PATJ: variants seen among roughly 807,000 people sequenced by gnomAD.
The protein encoded by PATJ is inaD-like protein.
In PATJ, 190 loss-of-function variants were observed where a neutral mutation model predicts 224.9. The observed-to-expected ratio is 0.84, with a 90% CI of 0.75 to 0.95. The LOEUF is 0.95. Ranked by LOEUF, PATJ falls within the 40% of genes least tolerant of loss-of-function variation. PATJ has a pLI of 0.00. For synonymous variants in PATJ, 769 were observed against 820.3 expected (o/e 0.94, Z 1.07); for missense variants, 2,121 against 2,270.3 (o/e 0.93, Z 1.34).
At position 62,003,560 on chromosome 1, in the gene PATJ, C is replaced by T. The variant is rs540386770; in HGVS notation, c.3867+13196C>T. Among the ~76,000 whole-genome samples, 4 of 152,312 alleles carry T rather than the reference C, an allele frequency of 2.6e-5. No homozygotes were observed. The South Asian group carries it at 6.2e-4, about 24-fold the overall frequency. On this transcript the variant is annotated intron_variant, in intron 28 of 43. Coordinates refer to ENST00000642238, the MANE Select transcript of PATJ (RefSeq NM_001350145.3). ...TGTGGAAGATCTTACTTCAGCACTG[C>T]GATTTCCATTAAACTGAGTCCTTGA...
At chr1:61,886,704 C>T (rs1481369439) in intron 22 of PATJ, among the ~76,000 whole-genome samples, 1 of 151,622 alleles carries the variant, frequency 6.6e-6, no homozygotes, top group Non-Finnish European at 1.5e-5. Flanking sequence ...CCTGTAACCC[C>T]AGCTACTCTG....
intron 27 of PATJ, among the ~76,000 whole-genome samples, chr1:61,948,695 C>G (rs1396686383): frequency 6.6e-6 from 1 of 152,110 alleles, no homozygotes; most frequent in African/African-American, 2.4e-5. Context: ...ACCATTTGAC[C>G]CAGCCATCCC....
intron 27 of PATJ, among the ~76,000 whole-genome samples, chr1:61,985,514 A>G (rs1644705499): frequency 6.6e-6 from 1 of 152,114 alleles, no homozygotes; most frequent in Non-Finnish European, 1.5e-5. Context: ...AAATACATTC[A>G]CATTGTACAA....
chr1:62,141,869 C>T (rs1404259541), intron 41 of PATJ, among the ~76,000 whole-genome samples: 1 of 151,766 alleles, frequency 6.6e-6, no homozygotes, highest in African/African-American at 2.4e-5. Flanking sequence ...ACTTGGGAGG[C>T]GGAGGCAAGA....
chr1:61,875,970 C>T (rs1278039178), intron 21 of PATJ, among the ~76,000 whole-genome samples: 2 of 152,086 alleles, frequency 1.3e-5, no homozygotes, highest in African/African-American at 2.4e-5. Flanking sequence ...ATAAAATTGA[C>T]ATCCCTAGGG....
chr1:61,814,548 G>GTGTGCGCGCGCGCA (rs386353992), intron 14 of PATJ, among the ~76,000 whole-genome samples: 2 of 53,830 alleles, frequency 3.7e-5, no homozygotes, highest in African/African-American at 1.8e-4. Flanking sequence ...GTGTGTGTGT[G>GTGTGCGCGCGCGCA]CGCGCGCGCG....
chr1:62,087,054 G>T (rs1376706834), intron 33 of PATJ, among the ~76,000 whole-genome samples: 16 of 152,212 alleles, frequency 1.1e-4, no homozygotes, highest in Admixed American at 9.8e-4. Flanking sequence ...AAGGGCCAGT[G>T]TGACAGCCTT....
chr1:61,775,122 T>C, intron 6 of PATJ, 84 bp from the exon 7 acceptor site: 4 of 1,356,568 alleles, frequency 2.9e-6, no homozygotes, highest in Non-Finnish European at 4.0e-6. Flanking sequence ...TGCAAATCTG[T>C]TACTTTGGTA....
chr1:62,138,242 A>G (rs1030647697), intron 41 of PATJ, among the ~76,000 whole-genome samples: 11 of 152,226 alleles, frequency 7.2e-5, no homozygotes, highest in African/African-American at 2.4e-4. Flanking sequence ...AGATCTAGTT[A>G]CCTGCCCTTA....
chr1:61,796,395 A>G (rs2148544348), intron 10 of PATJ, among the ~76,000 whole-genome samples: 1 of 152,358 alleles, frequency 6.6e-6, no homozygotes, highest in Non-Finnish European at 1.5e-5. Flanking sequence ...TCATGTGGTG[A>G]TATGAATAGA....
chr1:61,869,314 G>A (rs1486102822), intron 20 of PATJ, among the ~76,000 whole-genome samples: 1 of 151,836 alleles, frequency 6.6e-6, no homozygotes, highest in Non-Finnish European at 1.5e-5. Flanking sequence ...CACCGTTTTA[G>A]CCGGGATGGT....
intron 6 of PATJ, among the ~76,000 whole-genome samples, chr1:61,773,901 A>C (rs1197933229): frequency 6.6e-6 from 1 of 151,918 alleles, no homozygotes; most frequent in Admixed American, 6.6e-5. Context: ...CAGGCGGATC[A>C]TGAGGTCAGG....
At chr1:61,747,176 A>G (rs1204484979) in intron 1 of PATJ, among the ~76,000 whole-genome samples, 4 of 151,462 alleles carry the variant, frequency 2.6e-5, no homozygotes, top group Non-Finnish European at 5.9e-5. Context: ...TGGTATTTGC[A>G]TGACCATTGC....
intron 27 of PATJ, among the ~76,000 whole-genome samples, chr1:61,951,268 G>GT (rs1025500135): frequency 7.3e-5 from 11 of 151,340 alleles, no homozygotes; most frequent in East Asian, 3.9e-4. Context: ...GCTTTTTATT[G>GT]TTTTTTTTAT....
chr1:61,760,619 C>CTTTTTTTTTTTTT (rs200693394), intron 1 of PATJ, among the ~76,000 whole-genome samples: 2 of 135,482 alleles, frequency 1.5e-5, no homozygotes, highest in African/African-American at 5.5e-5. Flanking sequence ...TTTTCTTTTT[C>CTTTTTTTTTTTTT]TTTTTTTTTT....
At position 62,144,375 on chromosome 1, in the gene PATJ, C is replaced by G. The variant is rs571899772; in HGVS notation, c.5272-3909C>G. On this transcript the variant is annotated intron_variant, in intron 41 of 43. Transcript: ENST00000642238. Reference sequence around the variant, plus strand: ...GGGCAGGCCTATTTTCTTTCTTTTTCTGCTCTACTTAACAGATGAAGCTTA... The same window carrying G: ...GGGCAGGCCTATTTTCTTTCTTTTTGTGCTCTACTTAACAGATGAAGCTTA... Among the ~76,000 whole-genome samples the G allele has an allele frequency of 5.3e-5, 8 of 152,288 alleles. No homozygotes were observed. The South Asian group carries it at 1.7e-3, about 32-fold the overall frequency.
chr1:61,787,241 C>T (rs1234519514), intron 7 of PATJ, among the ~76,000 whole-genome samples: 1 of 152,198 alleles, frequency 6.6e-6, no homozygotes, highest in African/African-American at 2.4e-5. Flanking sequence ...TCTTCCCAAT[C>T]ATGAAAAGAA....
chr1:62,031,407 T>G (rs996364860), intron 29 of PATJ, among the ~76,000 whole-genome samples: 1 of 152,200 alleles, frequency 6.6e-6, no homozygotes, highest in African/African-American at 2.4e-5. Flanking sequence ...TTAAAGCATT[T>G]TATAGTCATT....
rs201592994 is a variant in PATJ at position 61,763,080 on chromosome 1, G to A, written c.90G>A (p.Ser30=). The A allele has an allele frequency of 2.1e-5, 34 of 1,611,024 alleles. No individual in the cohort carries two copies. In the Admixed American group the frequency reaches 2.5e-4, roughly 12 times the overall value. ...KMKLQEKGDT[S]QNEKLSMFYE... is the part of the protein sequence containing the mutation. Reference sequence around the variant, plus strand: ...AATTGCAGGAGAAGGGTGACACGTCGCAGAATGAGAAGTTATCTATGTTTT... The same window carrying A: ...AATTGCAGGAGAAGGGTGACACGTCACAGAATGAGAAGTTATCTATGTTTT... The change falls in exon 3 of 44, where the codon TCG becomes TCA. Residue 30 remains serine, a synonymous_variant. Coordinates refer to ENST00000642238, the MANE Select transcript of PATJ (RefSeq NM_001350145.3).
Sources: allele counts gnomAD v4.1 joint callset (sites outside exome capture counted in the v4.1 genomes callset), GRCh38; gene constraint gnomAD v4.1.1; transcripts MANE v1.5; gene names NCBI Gene and HGNC (gene_info 2026-07-23, HGNC 2026-07-21).